Variants in SLC2A13 observed in about 807,000 individuals in gnomAD.
SLC2A13 encodes proton myo-inositol cotransporter.
Under a neutral mutation model 64.4 loss-of-function variants are expected in SLC2A13, and 32 were observed. That is an observed-to-expected ratio of 0.50 (90% CI 0.37 to 0.67). The LOEUF is 0.67. SLC2A13 is among the 30% of genes least tolerant of loss of function. SLC2A13 has a pLI of 0.00. For synonymous variants in SLC2A13, 338 were observed against 327.1 expected (o/e 1.03, Z -0.36); for missense variants, 743 against 829.2 (o/e 0.90, Z 1.28).
At chr12:39,971,674 C>T (rs1946647780) in intron 3 of SLC2A13, among the ~76,000 whole-genome samples, 1 of 151,764 alleles carries the variant, frequency 6.6e-6, no homozygotes, top group African/African-American at 2.4e-5. Context: ...TATATGCCTA[C>T]AAGAAAAAAT....
chr12:39,821,956 A>G (rs948509396), intron 7 of SLC2A13, among the ~76,000 whole-genome samples: 40 of 152,164 alleles, frequency 2.6e-4, no homozygotes, highest in Non-Finnish European at 1.5e-4. Context: ...TTTAGGGTAC[A>G]TGTGCACAAT....
intron 4 of SLC2A13, among the ~76,000 whole-genome samples, chr12:39,934,873 T>G (rs1241514883): frequency 6.6e-6 from 1 of 152,122 alleles, no homozygotes; most frequent in African/African-American, 2.4e-5. Flanking sequence ...ACTGTTCATT[T>G]CTCTTCCTGC....
At chr12:39,794,607 G>A (rs2135771609) in intron 7 of SLC2A13, among the ~76,000 whole-genome samples, 1 of 152,272 alleles carries the variant, frequency 6.6e-6, no homozygotes, top group Admixed American at 6.5e-5. Context: ...GGCAAAGGCA[G>A]AGCTGTAACC....
intron 3 of SLC2A13, among the ~76,000 whole-genome samples, chr12:40,016,777 T>C (rs1947628449): frequency 6.6e-6 from 1 of 152,172 alleles, no homozygotes; most frequent in Non-Finnish European, 1.5e-5. Flanking sequence ...AGATAATAAA[T>C]CACATGAGAT....
intron 3 of SLC2A13, among the ~76,000 whole-genome samples, chr12:39,961,291 C>A (rs28370611): frequency 0.086 from 13,011 of 151,952 alleles, 721 homozygotes; most frequent in Admixed American, 0.1. Context: ...GTTTGCCAGG[C>A]TGGTCTTGAA....
At chr12:40,025,032 G>C (rs1947781360) in intron 3 of SLC2A13, among the ~76,000 whole-genome samples, 1 of 152,176 alleles carries the variant, frequency 6.6e-6, no homozygotes, top group African/African-American at 2.4e-5. Context: ...TGTATCAACA[G>C]TGCTGAGCAC....
intron 1 of SLC2A13, among the ~76,000 whole-genome samples, chr12:40,102,711 G>A (rs1331636579): frequency 6.6e-6 from 1 of 151,958 alleles, no homozygotes; most frequent in Non-Finnish European, 1.5e-5. Context: ...AAAAAACAAT[G>A]GCATAAAATT....
At chr12:39,997,144 G>A (rs1189121287) in intron 3 of SLC2A13, among the ~76,000 whole-genome samples, 1 of 152,104 alleles carries the variant, frequency 6.6e-6, no homozygotes, top group Non-Finnish European at 1.5e-5. Flanking sequence ...TATACTAGAA[G>A]ACCACAGTCA....
At position 40,042,993 on chromosome 12, in the gene SLC2A13, A is replaced by G. The variant is rs542600929; in HGVS notation, c.716+5058T>C. Reference sequence around the variant, plus strand: ...AAAAAAAAAACTAGAAACATGACAAAGCAAGATATGGTTGGTTTATAAGCT... The same window carrying G: ...AAAAAAAAAACTAGAAACATGACAAGGCAAGATATGGTTGGTTTATAAGCT... On this transcript the variant is annotated intron_variant, in intron 2 of 9. Coordinates refer to ENST00000280871, the MANE Select transcript of SLC2A13 (RefSeq NM_052885.4). Among the ~76,000 whole-genome samples, 3 of 151,816 alleles carry G rather than the reference A, an allele frequency of 2.0e-5. No homozygotes were observed. In the South Asian group the frequency reaches 6.2e-4, roughly 32 times the overall value.
At chr12:39,766,190 C>T (rs952107658) in intron 7 of SLC2A13, among the ~76,000 whole-genome samples, 38 of 152,084 alleles carry the variant, frequency 2.5e-4, no homozygotes, top group African/African-American at 8.9e-4. Context: ...ATTATCCTTT[C>T]AGTATTCGTT....
At chr12:39,959,761 T>G (rs1024281256) in intron 3 of SLC2A13, among the ~76,000 whole-genome samples, 3 of 152,126 alleles carry the variant, frequency 2.0e-5, no homozygotes, top group Non-Finnish European at 2.9e-5. Flanking sequence ...TCTAGAAAAC[T>G]TTTATTTAAA....
intron 4 of SLC2A13, among the ~76,000 whole-genome samples, chr12:39,917,922 C>T (rs1332348851): frequency 6.6e-6 from 1 of 151,882 alleles, no homozygotes; most frequent in Non-Finnish European, 1.5e-5. Flanking sequence ...TCCTTCTTCC[C>T]TAATCTCAGC....
At chr12:40,043,890 C>CT (rs1948132939) in intron 2 of SLC2A13, among the ~76,000 whole-genome samples, 1 of 152,128 alleles carries the variant, frequency 6.6e-6, no homozygotes, top group Non-Finnish European at 1.5e-5. Flanking sequence ...TCATACGTTG[C>CT]TTGTGGGAAT....
In SLC2A13 at chr12:40,105,384, T is replaced by C. The variant is rs751933707; in HGVS notation, c.425A>G (p.Asn142Ser). 25 of 1,564,260 alleles carry C rather than the reference T, an allele frequency of 1.6e-5. No individual in the cohort carries two copies. The highest frequency in any genetic ancestry group is 2.0e-5 in the Non-Finnish European group (23 of 1,155,652). Reference sequence around the variant, plus strand: ...GGCAGCGCGGCGGCCGAAGACGCCGTTGAGGGCGCCTCCGGCCAGCGCCGA... The same window carrying C: ...GGCAGCGCGGCGGCCGAAGACGCCGCTGAGGGCGCCTCCGGCCAGCGCCGA... ...AVSALAGGAL[N>S]GVFGRRAAIL... Residue 142 changes from asparagine (N) to serine (S), a missense_variant, in exon 1 of 10, where the codon AAC (asparagine) becomes AGC (serine). Around this residue, in one of 2 missense-constraint regions of SLC2A13, gnomAD observed 448 missense variants for 447.4 expected, o/e 1.00. Transcript: ENST00000280871. The surrounding 1 kb of genome is among the most constrained non-coding windows in gnomAD (Gnocchi z 4.2).
At chr12:39,905,410 T>C (rs1301926422) in intron 4 of SLC2A13, among the ~76,000 whole-genome samples, 1 of 152,136 alleles carries the variant, frequency 6.6e-6, no homozygotes, top group Admixed American at 6.6e-5. Flanking sequence ...TGGCTGCAGA[T>C]GACTAGCTGA....
At chr12:39,902,275 G>T (rs888836760) in intron 4 of SLC2A13, among the ~76,000 whole-genome samples, 22 of 151,302 alleles carry the variant, frequency 1.5e-4, no homozygotes, top group African/African-American at 5.1e-4. Flanking sequence ...CACCAGCATG[G>T]CACATGTATA....
intron 1 of SLC2A13, among the ~76,000 whole-genome samples, chr12:40,069,665 T>C (rs913538245): frequency 6.6e-6 from 1 of 151,994 alleles, no homozygotes; most frequent in Admixed American, 6.6e-5. Context: ...GAAGGGTGCC[T>C]AGTTTCTACA....
intron 4 of SLC2A13, among the ~76,000 whole-genome samples, chr12:39,889,133 T>C (rs1242171028): frequency 6.6e-6 from 1 of 152,152 alleles, no homozygotes; most frequent in Non-Finnish European, 1.5e-5. Flanking sequence ...AAATGTTGGC[T>C]CATATCATAT....
intron 3 of SLC2A13, among the ~76,000 whole-genome samples, chr12:39,984,915 T>C (rs1055372024): frequency 6.6e-6 from 1 of 152,132 alleles, no homozygotes; most frequent in African/African-American, 2.4e-5. Context: ...AAGCAATCTA[T>C]GGGAGGCCAC....
Sources: allele counts gnomAD v4.1 joint callset (sites outside exome capture counted in the v4.1 genomes callset), GRCh38; gene constraint gnomAD v4.1.1; regional missense constraint gnomAD v4.1.1; non-coding constraint Gnocchi (gnomAD v3.1); transcripts MANE v1.5; gene names NCBI Gene and HGNC (gene_info 2026-07-23, HGNC 2026-07-21).